Variants in SATB2 observed in about 807,000 individuals in gnomAD.
The protein encoded by SATB2 is DNA-binding protein SATB2.
SATB2 carries 1 observed loss-of-function variant against 73.4 expected under a neutral mutation model. The observed-to-expected ratio is 0.01, with a 90% confidence interval of 0.00 to 0.06. The LOEUF is 0.06. Ranked by LOEUF, SATB2 falls within the 10% of genes least tolerant of loss-of-function variation. The pLI, the probability that SATB2 is intolerant of heterozygous loss-of-function variation, is 1.00. For missense variants in SATB2, 459 were observed against 945.8 expected (o/e 0.49, Z 6.75); for synonymous variants, 397 against 367.0 (o/e 1.08, Z -0.93).
intron 3 of SATB2, among the ~76,000 whole-genome samples, chr2:199,416,264 T>G (rs1289058309): frequency 6.6e-6 from 1 of 152,220 alleles, no homozygotes; most frequent in Admixed American, 6.5e-5. Context: ...TTTGAAAACA[T>G]TATGTACAAA....
chr2:199,310,074 G>A (rs1228803904), intron 9 of SATB2, among the ~76,000 whole-genome samples: 1 of 152,188 alleles, frequency 6.6e-6, no homozygotes, highest in Admixed American at 6.5e-5. Flanking sequence ...AACACCAGCT[G>A]TTCTCATTGT....
intron 3 of SATB2, among the ~76,000 whole-genome samples, chr2:199,432,281 A>G (rs1691526249): frequency 6.6e-6 from 1 of 152,224 alleles, no homozygotes; most frequent in African/African-American, 2.4e-5. Flanking sequence ...CTAAAAAGCA[A>G]TCATCTACTT....
intron 3 of SATB2, among the ~76,000 whole-genome samples, chr2:199,429,096 T>C (rs1691423787): frequency 6.6e-6 from 1 of 152,060 alleles, no homozygotes; most frequent in African/African-American, 2.4e-5. Flanking sequence ...ATTAACGATT[T>C]ATTGATTCTT....
chr2:199,448,777 T>G (rs781665975), intron 2 of SATB2, among the ~76,000 whole-genome samples: 6 of 152,300 alleles, frequency 3.9e-5, no homozygotes, highest in Non-Finnish European at 7.4e-5. Context: ...AAATAGTAGC[T>G]TGCAGTGCCT....
intron 2 of SATB2, among the ~76,000 whole-genome samples, chr2:199,440,364 T>A (rs1574631852): frequency 6.6e-6 from 1 of 152,300 alleles, no homozygotes; most frequent in South Asian, 2.1e-4. Context: ...ATCTCAAAAA[T>A]TCCACAGATT....
intron 7 of SATB2, among the ~76,000 whole-genome samples, chr2:199,342,023 C>G (rs1688520623): frequency 6.6e-6 from 1 of 152,202 alleles, no homozygotes; most frequent in Admixed American, 6.5e-5. Context: ...GCCCTGTTGT[C>G]ATCCTCCTGT....
At chr2:199,458,536 C>A (rs1266461195), upstream of SATB2, 38 of 370,448 alleles carry the variant, frequency 1.0e-4, no homozygotes. Flanking sequence ...TGGTCCTCCT[C>A]CTTGTGGCGG....
At chr2:199,435,442 G>A (rs554251789) in intron 2 of SATB2, among the ~76,000 whole-genome samples, 217 of 151,598 alleles carry the variant, frequency 1.4e-3, no homozygotes, top group African/African-American at 5.0e-3. Flanking sequence ...TCCACCTCTC[G>A]GGTTCAAGCG....
chr2:199,467,798 C>G (rs925708310), upstream of SATB2, among the ~76,000 whole-genome samples: 1 of 152,182 alleles, frequency 6.6e-6, no homozygotes, highest in African/African-American at 2.4e-5. Flanking sequence ...CACAGGACCC[C>G]GGGGCCAGGG....
At chr2:199,456,559 T>A (rs1692281364) in intron 1 of SATB2, among the ~76,000 whole-genome samples, 1 of 152,196 alleles carries the variant, frequency 6.6e-6, no homozygotes. Flanking sequence ...AAATGCGCTG[T>A]GAATGGCCAG....
intron 2 of SATB2, among the ~76,000 whole-genome samples, chr2:199,450,270 T>C (rs1284359362): frequency 6.6e-6 from 1 of 152,154 alleles, no homozygotes; most frequent in Non-Finnish European, 1.5e-5. Flanking sequence ...TGCCAACATT[T>C]CATTTGTCAT....
intron 7 of SATB2, among the ~76,000 whole-genome samples, chr2:199,342,255 G>C (rs1334304733): frequency 2.6e-5 from 4 of 152,056 alleles, no homozygotes; most frequent in Admixed American, 2.6e-4. Flanking sequence ...ATCTCACTTT[G>C]TGGCCACAGG....
intron 2 of SATB2, among the ~76,000 whole-genome samples, chr2:199,453,483 T>C (rs1173304850): frequency 2.0e-5 from 3 of 151,998 alleles, no homozygotes; most frequent in African/African-American, 7.2e-5. Flanking sequence ...CAAAAGAACA[T>C]AGAATGGTAG....
At chr2:199,369,306 C>T (rs1187935259) in intron 5 of SATB2, among the ~76,000 whole-genome samples, 2 of 152,156 alleles carry the variant, frequency 1.3e-5, no homozygotes, top group African/African-American at 4.8e-5. Context: ...CTCAAACTTT[C>T]TGAGTGCTTA....
At chr2:199,394,658 A>G (rs1253619940) in intron 3 of SATB2, among the ~76,000 whole-genome samples, 2 of 152,126 alleles carry the variant, frequency 1.3e-5, no homozygotes, top group African/African-American at 4.8e-5. Flanking sequence ...ATAAAAAGCC[A>G]GGCGTGGTGG....
rs1689733456 is a variant in SATB2 at position 199,380,373 on chromosome 2, A to G, written c.588T>C (p.Pro196=). 2 of 1,613,818 alleles carry G rather than the reference A, an allele frequency of 1.2e-6. No homozygotes were observed. Among genetic ancestry groups the G allele is most frequent in the Admixed American group, 3.3e-5 (2 of 59,990 alleles). ...ACCTGAAGATACTGACCTGGGAGAGAGGGCATTCTTTGGCTAATGTGCTCT... is the reference window on the plus strand; with the variant it reads ...ACCTGAAGATACTGACCTGGGAGAGGGGGCATTCTTTGGCTAATGTGCTCT... ...MNQSTLAKEC[P]LSQSMISSIV... Residue 196 remains proline, a synonymous_variant, in exon 5 of 11, where the codon CCT becomes CCC. Coordinates refer to ENST00000417098, the MANE Select transcript of SATB2 (RefSeq NM_001172509.2).
rs181486182 is a variant in SATB2, at chr2:199,383,520, C to T, written c.347-1700G>A. Among the ~76,000 whole-genome samples, 18 of 152,192 alleles carry T rather than the reference C, an allele frequency of 1.2e-4. No homozygotes were observed. The East Asian group carries it at 3.5e-3, about 29-fold the overall frequency. On this transcript the variant is annotated intron_variant, in intron 3 of 10. Transcript: ENST00000417098. ...TTAAATTCCTTTCAAAAGTCATTAC[C>T]ATGATCACCCATAAGTTGAATATAA... is the stretch of plus-strand genomic sequence containing the variant.
intron 3 of SATB2, among the ~76,000 whole-genome samples, chr2:199,393,940 G>A (rs1279151726): frequency 1.3e-5 from 2 of 151,994 alleles, no homozygotes; most frequent in East Asian, 1.9e-4. Context: ...TCATCCAGCC[G>A]ACTGCACTTC....
Position 199,357,632 on chromosome 2 carries a change from T to G in SATB2, c.701-8459A>C, listed in dbSNP as rs191276691. 8.5e-5 allele frequency among the ~76,000 whole-genome samples: 13 copies of G among 152,300 alleles called. No homozygotes were observed. In the East Asian group the frequency reaches 2.5e-3, roughly 29 times the overall value. ...AGATAGCTCCTTTAAATTCCTATTT[T>G]GTCAGTTTATTAGCAATTCATTCCA... is the stretch of plus-strand genomic sequence containing the variant. On this transcript the variant is annotated intron_variant, in intron 6 of 10. Transcript: ENST00000417098.
Sources: allele counts gnomAD v4.1 joint callset (sites outside exome capture counted in the v4.1 genomes callset), GRCh38; gene constraint gnomAD v4.1.1; transcripts MANE v1.5; gene names NCBI Gene and HGNC (gene_info 2026-07-23, HGNC 2026-07-21).